The following TIAM1 variants were observed in gnomAD, a reference collection of about 807,000 sequenced individuals.
TIAM1 encodes the protein TIAM Rac1 associated GEF 1, also known as rho guanine nucleotide exchange factor TIAM1.
A neutral mutation model predicts 163.5 loss-of-function variants in TIAM1; 65 were observed. The ratio of observed to expected loss-of-function variants is 0.40; its 90% CI spans 0.33 to 0.49. The LOEUF is 0.49. Among genes scored for constraint, TIAM1 ranks in the 20% least tolerant of loss-of-function variants. The probability of loss-of-function intolerance (pLI) is 0.77; values close to 1 mark genes in which losing one functional copy is unlikely to be tolerated. For missense variants in TIAM1, 1,789 were observed against 2,044.7 expected, an observed-to-expected ratio of 0.87 and a Z score of 2.41; for synonymous variants, 833 against 810.1, an observed-to-expected ratio of 1.03 and a Z score of -0.48.
At chr21:31,450,912 G>A (rs1300423173) in intron 2 of TIAM1, among the ~76,000 whole-genome samples, 1 of 152,034 alleles carries the variant, frequency 6.6e-6, no homozygotes, top group African/African-American at 2.4e-5. Flanking sequence ...GGAATTACGG[G>A]AGCTACACTT....
chr21:31,325,541 AC>A (rs1273315370), intron 2 of TIAM1, among the ~76,000 whole-genome samples: 1 of 151,380 alleles, frequency 6.6e-6, no homozygotes, highest in African/African-American at 2.4e-5. Flanking sequence ...AGTGGCGCTC[AC>A]CTGTAATCCC....
chr21:31,527,198 T>C (rs1297915129), intron 1 of TIAM1, among the ~76,000 whole-genome samples: 1 of 152,124 alleles, frequency 6.6e-6, no homozygotes, highest in African/African-American at 2.4e-5. Context: ...CCATGCCTCC[T>C]GCCTCTGTTA....
chr21:31,326,663 C>T (rs184470256), intron 2 of TIAM1, among the ~76,000 whole-genome samples: 2 of 152,294 alleles, frequency 1.3e-5, no homozygotes, highest in Admixed American at 6.5e-5. Context: ...ACACTTCCCA[C>T]CAGGTAATAC....
At chr21:31,442,481 C>T (rs2044472775) in intron 2 of TIAM1, among the ~76,000 whole-genome samples, 1 of 152,046 alleles carries the variant, frequency 6.6e-6, no homozygotes, top group South Asian at 2.1e-4. Context: ...TATCTGCCTG[C>T]CTCCGCCTCC....
intron 2 of TIAM1, among the ~76,000 whole-genome samples, chr21:31,372,894 A>G (rs1410130910): frequency 6.6e-6 from 1 of 152,044 alleles, no homozygotes; most frequent in African/African-American, 2.4e-5. Flanking sequence ...CATCTCTACT[A>G]AAAATACAAA....
chr21:31,215,029 A>G (rs1019237398), intron 9 of TIAM1, among the ~76,000 whole-genome samples: 18 of 152,216 alleles, frequency 1.2e-4, no homozygotes, highest in Non-Finnish European at 2.5e-4. Context: ...TCATACTTTT[A>G]GAAAAAATAC....
chr21:31,159,344 AAG>A (rs1322613319), intron 16 of TIAM1, among the ~76,000 whole-genome samples: 2 of 152,120 alleles, frequency 1.3e-5, no homozygotes, highest in East Asian at 3.9e-4. Context: ...AAAGTACAAA[AAG>A]AGGGGGTAGA....
intron 2 of TIAM1, among the ~76,000 whole-genome samples, chr21:31,358,592 A>G (rs1181074572): frequency 6.6e-6 from 1 of 151,996 alleles, no homozygotes; most frequent in Admixed American, 6.5e-5. Context: ...TTGGTGCCAT[A>G]CTTGCCTTCC....
At chr21:31,122,054 C>T (rs2082021678) in intron 27 of TIAM1, among the ~76,000 whole-genome samples, 1 of 152,206 alleles carries the variant, frequency 6.6e-6, no homozygotes, top group Non-Finnish European at 1.5e-5. Flanking sequence ...CCAAATGCAG[C>T]CTTGACTTCG....
intron 1 of TIAM1, among the ~76,000 whole-genome samples, chr21:31,537,169 C>A (rs2048163552): frequency 6.6e-6 from 1 of 152,180 alleles, no homozygotes; most frequent in South Asian, 2.1e-4. Flanking sequence ...TCCAGTAGGA[C>A]CCCTTCTTAT....
chr21:31,188,200 C>G (rs1281041593), intron 13 of TIAM1, among the ~76,000 whole-genome samples: 5 of 152,134 alleles, frequency 3.3e-5, no homozygotes, highest in African/African-American at 1.2e-4. Flanking sequence ...GGCAAAAAGG[C>G]TAATTGCCAT....
intron 27 of TIAM1, 71 bp downstream of exon 27, chr21:31,124,451 G>T: frequency 6.3e-7 from 1 of 1,590,946 alleles, no homozygotes; most frequent in Non-Finnish European, 8.6e-7. Context: ...CAACAAGGAG[G>T]TCAAGCTCAC....
chr21:31,299,223 C>T (rs929683903), intron 2 of TIAM1, among the ~76,000 whole-genome samples: 8 of 152,148 alleles, frequency 5.3e-5, no homozygotes, highest in Non-Finnish European at 1.2e-4. Flanking sequence ...ATTGAAAAGA[C>T]TTCAATAGCT....
At chr21:31,306,491 G>A (rs997004464) in intron 2 of TIAM1, among the ~76,000 whole-genome samples, 1 of 152,140 alleles carries the variant, frequency 6.6e-6, no homozygotes, top group African/African-American at 2.4e-5. Flanking sequence ...CAACTGGGAA[G>A]GCTGGCAATG....
intron 13 of TIAM1, among the ~76,000 whole-genome samples, chr21:31,193,113 A>G (rs563956930): frequency 3.3e-5 from 5 of 152,218 alleles, no homozygotes; most frequent in Non-Finnish European, 7.3e-5. Flanking sequence ...AGTAAAGAAG[A>G]CTGGTCTTAA....
chr21:31,168,006 A>T (rs755022451), intron 15 of TIAM1, among the ~76,000 whole-genome samples: 1 of 152,188 alleles, frequency 6.6e-6, no homozygotes, highest in Non-Finnish European at 1.5e-5. Context: ...GGCAAAAGAA[A>T]AAGAGATGGA....
intron 2 of TIAM1, among the ~76,000 whole-genome samples, chr21:31,333,896 C>G (rs1034056138): frequency 6.6e-6 from 1 of 152,140 alleles, no homozygotes. Context: ...ATGAGCTAAC[C>G]ATACCACCCT....
At chr21:31,359,257 CAATT>C (rs2076363998) in intron 2 of TIAM1, among the ~76,000 whole-genome samples, 1 of 152,144 alleles carries the variant, frequency 6.6e-6, no homozygotes, top group Admixed American at 6.5e-5. Flanking sequence ...TAACTCATTA[CAATT>C]AATAAACAAT....
chr21:31,324,087 G>A (rs2075406483), intron 2 of TIAM1, among the ~76,000 whole-genome samples: 1 of 152,062 alleles, frequency 6.6e-6, no homozygotes, highest in Admixed American at 6.6e-5. Flanking sequence ...GGATTTTAGG[G>A]CAGTGAAACT....
Sources: gnomAD v4.1 joint callset for allele counts (sites outside exome capture counted in the v4.1 genomes callset) on GRCh38, gnomAD v4.1.1 for gene constraint, MANE v1.5 for transcripts, NCBI Gene and HGNC (gene_info 2026-07-23, HGNC 2026-07-21) for gene names.